Variants in TJP3 observed in about 807,000 individuals in gnomAD.
TJP3 encodes the protein tight junction protein 3, also known as tight junction protein ZO-3.
A neutral mutation model predicts 104.2 loss-of-function variants in TJP3; 85 were observed. That is an observed-to-expected ratio of 0.82 (90% CI 0.68 to 0.98). TJP3 has a LOEUF of 0.98. Among genes scored for constraint, TJP3 ranks in the 50% least tolerant of loss-of-function variants. The probability of loss-of-function intolerance (pLI) is 0.00; values close to 1 mark genes in which losing one functional copy is unlikely to be tolerated. For missense variants in TJP3, 1,367 were observed against 1,322.8 expected (o/e 1.03, Z -0.52); for synonymous variants, 550 against 550.6 (o/e 1.00, Z 0.02).
intron 1 of TJP3, among the ~76,000 whole-genome samples, chr19:3,717,058 C>G (rs1421727306): frequency 6.9e-6 from 1 of 145,362 alleles, no homozygotes; most frequent in Non-Finnish European, 1.5e-5. Flanking sequence ...CTCCGCCTCC[C>G]GGGCTCAAGC....
intron 1 of TJP3, among the ~76,000 whole-genome samples, chr19:3,725,673 CAA>C (rs975499150): frequency 7.9e-6 from 1 of 126,656 alleles, no homozygotes; most frequent in African/African-American, 3.1e-5. Flanking sequence ...GCCTGGGCAA[CAA>C]GAGCAAAAAA....
chr19:3,718,227 G>GTC (rs2036506104), intron 1 of TJP3, among the ~76,000 whole-genome samples: 1 of 94,020 alleles, frequency 1.1e-5, no homozygotes, highest in Non-Finnish European at 2.1e-5. Context: ...GTGTGTGTGT[G>GTC]TGTGTGTGTG....
intron 1 of TJP3, among the ~76,000 whole-genome samples, chr19:3,713,166 C>T (rs1331130898): frequency 3.9e-5 from 6 of 152,086 alleles, no homozygotes; most frequent in African/African-American, 1.4e-4. Context: ...CTGAGCCGGC[C>T]ACACCTAGAA....
intron 20 of TJP3, 108 bp from the exon 21 acceptor site, chr19:3,750,474 C>A: frequency 1.0e-6 from 1 of 965,414 alleles, no homozygotes; most frequent in Non-Finnish European, 1.6e-6. Flanking sequence ...CCCAGATGTG[C>A]TTATCTCTGC....
In TJP3 at chr19:3,734,425, G is replaced by C; in HGVS notation, c.976G>C (p.Asp326His). The change falls in exon 8 of 21, where the codon GAC (aspartate) becomes CAC (histidine). Residue 326 changes from aspartate (D) to histidine (H), a missense_variant. By Grantham distance (81) the Asp-to-His change is moderately conservative (BLOSUM62 -1). Coordinates refer to ENST00000541714, the MANE Select transcript of TJP3 (RefSeq NM_001267560.2). ...GCGGAGCCCCGAGGCCAGCCAGACC[G>C]ACTCTCCCGTGTAAGTATCACCCAT... ...AQRSPEASQT[D>H]SPVESPRLRR... is the part of the protein sequence containing the mutation. 1.2e-6 allele frequency: 2 copies of C among 1,608,054 alleles called. No homozygotes were observed.
chr19:3,740,604 C>G lies in TJP3; in HGVS notation c.1684C>G (p.Pro562Ala). 2 of 1,559,230 alleles carry G rather than the reference C, an allele frequency of 1.3e-6. No individual in the cohort carries two copies. Among genetic ancestry groups the G allele is most frequent in the Non-Finnish European group, 1.7e-6 (2 of 1,154,730 alleles). ...EAAQRAVGVG[P>A]GSSAGSNARA... ...TGCCCAGAGGGCCGTGGGAGTCGGG[C>G]CCGGCTCCTCCGCGGGCTCCAATGC... Residue 562 changes from proline (P) to alanine (A), a missense_variant, in exon 14 of 21, where the codon CCC (proline) becomes GCC (alanine). By Grantham distance (27) the Pro-to-Ala change is conservative (BLOSUM62 -1). Transcript: ENST00000541714.
At chr19:3,724,235 G>T (rs56771800) in intron 1 of TJP3, among the ~76,000 whole-genome samples, 1 of 151,230 alleles carries the variant, frequency 6.6e-6, no homozygotes, top group African/African-American at 2.4e-5. Context: ...TCCCTCTGTC[G>T]CCCAGGCTGG....
intron 1 of TJP3, among the ~76,000 whole-genome samples, chr19:3,713,536 C>CT (rs2036451266): frequency 6.6e-6 from 1 of 152,146 alleles, no homozygotes; most frequent in Non-Finnish European, 1.5e-5. Flanking sequence ...GGCAAAGGGC[C>CT]TGCGGAGAGA....
chr19:3,718,529 C>T (rs188182300), intron 1 of TJP3, among the ~76,000 whole-genome samples: 1 of 150,248 alleles, frequency 6.7e-6, no homozygotes, highest in Non-Finnish European at 1.5e-5. Context: ...AGTGCAGTGG[C>T]GCAATCTTGG....
intron 1 of TJP3, chr19:3,721,739 C>A: frequency 2.6e-6 from 1 of 388,530 alleles, no homozygotes; most frequent in Non-Finnish European, 4.5e-6. Context: ...GCAGGTGCAG[C>A]CGGGAGCTGC....
intron 6 of TJP3, among the ~76,000 whole-genome samples, chr19:3,733,228 G>T (rs2036695311): frequency 6.6e-6 from 1 of 151,534 alleles, no homozygotes; most frequent in Non-Finnish European, 1.5e-5. Flanking sequence ...TAGAGACAGG[G>T]TTTCACCATG....
rs1489847847 is a variant in TJP3, at chr19:3,708,402, C to A, written c.-169C>A. On this transcript the variant is annotated 5_prime_UTR_variant, in exon 1 of 21. Coordinates refer to ENST00000541714, the MANE Select transcript of TJP3 (RefSeq NM_001267560.2). The stretch of plus-strand genomic sequence containing the variant: ...GGTCGTCAGTTCCACTGGCAGGGGA[C>A]CTGCCTCCCTGTTGCCACCACAAGA... 6.6e-6 allele frequency: 1 copy of A among 152,258 alleles called. No homozygotes were observed. The highest frequency in any genetic ancestry group is 1.9e-4 in the East Asian group (1 of 5,194). The allele number at this position is 152,258 out of a possible 1,614,324, so 9.4% of individuals were successfully genotyped here.
chr19:3,715,743 A>G (rs772029701), intron 1 of TJP3, among the ~76,000 whole-genome samples: 2 of 152,148 alleles, frequency 1.3e-5, no homozygotes, highest in Non-Finnish European at 2.9e-5. Flanking sequence ...CACTCATGCC[A>G]GGAGAACCTT....
chr19:3,721,943 G>A, intron 1 of TJP3: 7 of 1,193,324 alleles, frequency 5.9e-6, no homozygotes, highest in Non-Finnish European at 7.3e-6. Flanking sequence ...CAGGGGGAGG[G>A]GCTCGGGCTG....
At position 3,730,465 on chromosome 19, in the gene TJP3, G is replaced by A. The variant is rs1175375041; in HGVS notation, c.372G>A (p.Val124=). The A allele has an allele frequency of 6.3e-7, 1 of 1,585,428 alleles. No homozygotes were observed. The highest frequency in any genetic ancestry group is 8.6e-7 in the Non-Finnish European group (1 of 1,166,370). Residue 124 remains valine, a synonymous_variant, in exon 5 of 21, where the codon GTG becomes GTA. Transcript: ENST00000541714. The surrounding 1 kb of genome is among the most constrained non-coding windows in gnomAD (Gnocchi z 7.3). ...ATGGGCCCCAGCGGGTGGAGGAGGT[G>A]GACCAGGGCCGGGGCTATGACGGCG... ...EDDGPQRVEE[V]DQGRGYDGDS... is the part of the protein sequence containing the mutation.
intron 1 of TJP3, among the ~76,000 whole-genome samples, chr19:3,714,667 G>A (rs1316645218): frequency 5.9e-5 from 9 of 151,950 alleles, no homozygotes; most frequent in African/African-American, 1.7e-4. Flanking sequence ...CAGCACTTTG[G>A]GAGGCCAAGG....
At chr19:3,709,484 G>A (rs544614591) in intron 1 of TJP3, among the ~76,000 whole-genome samples, 4 of 152,206 alleles carry the variant, frequency 2.6e-5, no homozygotes, top group Admixed American at 2.0e-4. Context: ...GCCAGAGAGG[G>A]GAGGGGTCGG....
In TJP3 at chr19:3,739,412, C is replaced by G. The variant is rs576152763; in HGVS notation, c.1631+278C>G. Among the ~76,000 whole-genome samples, 9 of 152,266 alleles carry G rather than the reference C, an allele frequency of 5.9e-5. 1 individual carries two copies. Among genetic ancestry groups the G allele is most frequent in the African/African-American group, 2.2e-4 (9 of 41,570 alleles). ...GGCTGAGGCAGGAGAATCGCTTGAA[C>G]CTGGGAGGCAGAGGTTACAGTGAGC... On this transcript the variant is annotated intron_variant, in intron 13 of 20. Coordinates refer to ENST00000541714, the MANE Select transcript of TJP3 (RefSeq NM_001267560.2).
intron 15 of TJP3, among the ~76,000 whole-genome samples, chr19:3,744,974 G>A (rs186062275): frequency 1.3e-5 from 2 of 152,042 alleles, no homozygotes; most frequent in South Asian, 2.1e-4. Context: ...TTGGCTGGGT[G>A]TGGTGGCTCA....
Sources: allele counts gnomAD v4.1 joint callset (sites outside exome capture counted in the v4.1 genomes callset), GRCh38; gene constraint gnomAD v4.1.1; non-coding constraint Gnocchi (gnomAD v3.1); transcripts MANE v1.5; gene names NCBI Gene and HGNC (gene_info 2026-07-23, HGNC 2026-07-21).